SLC13A3: variants seen among roughly 807,000 people sequenced by gnomAD.
SLC13A3 encodes the protein Na(+)/dicarboxylate cotransporter 3.
SLC13A3 carries 40 observed loss-of-function variants against 59.0 expected under a neutral mutation model. The observed-to-expected ratio is 0.68, with a 90% CI of 0.53 to 0.88. The LOEUF (loss-of-function observed/expected upper bound fraction) is 0.88. Ranked by LOEUF, SLC13A3 falls within the 40% of genes least tolerant of loss-of-function variation. The pLI is 0.00. For synonymous variants in SLC13A3, 317 were observed against 330.3 expected, an observed-to-expected ratio of 0.96 and a Z score of 0.44; for missense variants, 699 against 783.2, an observed-to-expected ratio of 0.89 and a Z score of 1.28.
chr20:46,610,037 C>A (rs1174184405), intron 3 of SLC13A3, among the ~76,000 whole-genome samples: 4 of 152,204 alleles, frequency 2.6e-5, no homozygotes, highest in African/African-American at 9.6e-5. Context: ...CATGGGGATT[C>A]ATCAGCTTCC....
intron 3 of SLC13A3, among the ~76,000 whole-genome samples, chr20:46,602,154 G>A (rs1478365364): frequency 6.6e-6 from 1 of 152,134 alleles, no homozygotes; most frequent in Non-Finnish European, 1.5e-5. Flanking sequence ...GCCAGATAGT[G>A]AGACCACATC....
intron 12 of SLC13A3, among the ~76,000 whole-genome samples, chr20:46,561,217 C>T (rs1229393833): frequency 6.6e-6 from 1 of 152,188 alleles, no homozygotes; most frequent in Non-Finnish European, 1.5e-5. Flanking sequence ...GTTGTCCCGC[C>T]TTTCCGGACC....
rs142404762 is a variant in SLC13A3, at chr20:46,667,186, G to C, written c.-31+2857C>G. 3.9e-5 allele frequency among the ~76,000 whole-genome samples: 6 copies of C among 152,156 alleles called. No homozygotes were observed. In the South Asian group the frequency reaches 6.2e-4, roughly 16 times the overall value. ...AGCCCAATAACCGGCTTCATCAAAG[G>C]CTCCAGACAACAGTGTATGGAGGGA... On this transcript the variant is annotated intron_variant, in intron 1 of 12. Coordinates refer to the SLC13A3 transcript ENST00000290317.
intron 11 of SLC13A3, 25 bp downstream of exon 11, chr20:46,566,204 C>T (rs201995692): frequency 8.7e-6 from 14 of 1,602,286 alleles, no homozygotes; most frequent in Non-Finnish European, 1.0e-5. Context: ...AGGGGTGCTC[C>T]CCTCTTCCCC....
At chr20:46,659,712 T>TCCC (rs34518362) in intron 1 of SLC13A3, among the ~76,000 whole-genome samples, 3 of 78,604 alleles carry the variant, frequency 3.8e-5, no homozygotes, top group African/African-American at 1.4e-4. Flanking sequence ...TGAGACCCTA[T>TCCC]CCCCCCCCCC....
chr20:46,644,296 C>T (rs1246838873), intron 1 of SLC13A3, among the ~76,000 whole-genome samples: 2 of 152,134 alleles, frequency 1.3e-5, no homozygotes, highest in Non-Finnish European at 2.9e-5. Flanking sequence ...CAGTAAGTGC[C>T]TCAAACATAT....
intron 1 of SLC13A3, among the ~76,000 whole-genome samples, chr20:46,642,340 G>A (rs372387147): frequency 2.6e-4 from 40 of 152,266 alleles, no homozygotes; most frequent in African/African-American, 8.9e-4. Flanking sequence ...TCACCAGCTG[G>A]GGACCTTGGG....
intron 10 of SLC13A3, among the ~76,000 whole-genome samples, chr20:46,567,081 A>C (rs1442235316): frequency 6.6e-6 from 1 of 151,894 alleles, no homozygotes; most frequent in African/African-American, 2.4e-5. Context: ...AATCCTAGCT[A>C]CTCGGGAGAC....
intron 12 of SLC13A3, 44 bp downstream of exon 12, chr20:46,563,370 C>G (rs370325452): frequency 1.3e-6 from 2 of 1,594,028 alleles, no homozygotes; most frequent in Non-Finnish European, 1.7e-6. Flanking sequence ...CCCTTGCGGC[C>G]CACCCACATC....
rs751428434 is a variant in SLC13A3, at chr20:46,589,215, C to T, written c.961G>A (p.Glu321Lys). The T allele has an allele frequency of 6.2e-7, 1 of 1,614,214 alleles. No homozygotes were observed. The highest frequency in any genetic ancestry group is 1.1e-5 in the South Asian group (1 of 91,086). ...KNKSEIRTNAEDRARAVIREE... is the reference protein window; with the variant it reads ...KNKSEIRTNAKDRARAVIREE... ...CGAATTACAGCTCGAGCCCTATCTT[C>T]TGCATTGGTTCTTATCTCAGATTTA... The change falls in exon 7 of 13, where the codon GAA becomes AAA. Residue 321 changes from glutamate to lysine, a missense_variant. Transcript: ENST00000279027.
chr20:46,575,143 A>T (rs403162), intron 10 of SLC13A3, among the ~76,000 whole-genome samples: 123,314 of 151,828 alleles, frequency 0.81, 50,252 homozygotes, highest in East Asian at 0.87. Flanking sequence ...TCTGTCTCAA[A>T]AAAAGAGAGA....
intron 10 of SLC13A3, among the ~76,000 whole-genome samples, chr20:46,574,237 C>A (rs753762581): frequency 6.6e-6 from 1 of 152,142 alleles, no homozygotes; most frequent in Non-Finnish European, 1.5e-5. Context: ...CAATTTGGAG[C>A]CCGGACTCTG....
At chr20:46,625,494 C>A (rs2062659075) in intron 1 of SLC13A3, among the ~76,000 whole-genome samples, 1 of 152,188 alleles carries the variant, frequency 6.6e-6, no homozygotes. Context: ...AAAAATAGCT[C>A]ATTGAGCTAT....
chr20:46,674,018 G>C (rs990054139), upstream of SLC13A3, among the ~76,000 whole-genome samples: 5 of 152,174 alleles, frequency 3.3e-5, no homozygotes, highest in Non-Finnish European at 7.3e-5. Flanking sequence ...AGATACATGT[G>C]TGAAATACAC....
chr20:46,566,351 G>A lies in SLC13A3; in HGVS notation c.1372C>T (p.Pro458Ser). ...LSVWIGGQLH[P>S]LENVPPALAV... Reference sequence around the variant, plus strand: ...AGGGCGGGGGGCACATTCTCCAGGGGGTGCAGCTGCCCACCAATCCATACA... The same window carrying A: ...AGGGCGGGGGGCACATTCTCCAGGGAGTGCAGCTGCCCACCAATCCATACA... Residue 458 changes from proline to serine, a missense_variant, in exon 11 of 13, where the codon CCC becomes TCC. By Grantham distance (74) the Pro-to-Ser change is moderately conservative. Transcript: ENST00000279027. 1.2e-6 allele frequency: 2 copies of A among 1,612,544 alleles called. No homozygotes were observed. Among genetic ancestry groups the A allele is most frequent in the Non-Finnish European group, 1.7e-6 (2 of 1,178,872 alleles).
intron 3 of SLC13A3, among the ~76,000 whole-genome samples, chr20:46,604,982 G>A (rs574053917): frequency 1.3e-5 from 2 of 152,286 alleles, no homozygotes; most frequent in South Asian, 2.1e-4. Context: ...TGCAGCCAGG[G>A]TGGACAGCAA....
In SLC13A3 at chr20:46,588,100, G is replaced by A. The variant is rs2062213026; in HGVS notation, c.1080C>T (p.Asp360=). ...TGGCCCAGCCAGGGATGAACTTCGG[G>A]TCCCGGGTGAAGAGGAGGATGGCAA... ...CMFAILLFTR[D]PKFIPGWASL... is the part of the protein sequence containing the mutation. Residue 360 remains aspartate, a synonymous_variant, in exon 8 of 13, where the codon GAC becomes GAT. Transcript: ENST00000279027. 14 of 1,612,970 alleles carry A rather than the reference G, an allele frequency of 8.7e-6. No individual in the cohort carries two copies. The highest frequency in any genetic ancestry group is 1.0e-5 in the Non-Finnish European group (12 of 1,179,356).
chr20:46,630,695 A>G (rs1249660074), intron 1 of SLC13A3, among the ~76,000 whole-genome samples: 1 of 152,146 alleles, frequency 6.6e-6, no homozygotes, highest in Non-Finnish European at 1.5e-5. Context: ...AGTGCCTCCC[A>G]CCTAGTAATT....
At chr20:46,614,068 A>G (rs2062531046) in intron 1 of SLC13A3, among the ~76,000 whole-genome samples, 1 of 152,248 alleles carries the variant, frequency 6.6e-6, no homozygotes, top group Non-Finnish European at 1.5e-5. Context: ...TTTACTTGAT[A>G]GAGGATCCCA....
Sources: gnomAD v4.1 joint callset for allele counts (sites outside exome capture counted in the v4.1 genomes callset) on GRCh38, gnomAD v4.1.1 for gene constraint, MANE v1.5 for transcripts, NCBI Gene and HGNC (gene_info 2026-07-23, HGNC 2026-07-21) for gene names.